The following CSMD1 variants were observed in gnomAD, a reference collection of about 807,000 sequenced individuals.
CSMD1 encodes the protein CUB and Sushi multiple domains 1.
In CSMD1, 213 loss-of-function variants were observed where a neutral mutation model predicts 417.5. The observed-to-expected ratio is 0.51, with a 90% CI of 0.46 to 0.57. The LOEUF (loss-of-function observed/expected upper bound fraction) is 0.57, where lower values mean the gene tolerates loss of function less well. Ranked by LOEUF, CSMD1 falls within the 20% of genes least tolerant of loss-of-function variation. The pLI is 0.00. For synonymous variants in CSMD1, 2,862 were observed against 1,736.8 expected (o/e 1.65, Z -16.11); for missense variants, 6,923 against 4,529.7 (o/e 1.53, Z -15.17).
In CSMD1 at chr8:4,603,316, C is replaced by T. The variant is rs570562542; in HGVS notation, c.302+34026G>A. On this transcript the variant is annotated intron_variant, in intron 2 of 69. Transcript: ENST00000635120. Reference sequence around the variant, plus strand: ...ATCAATTCCTTTTTTGTATTCAACTCTATTTTATTAAGAATTCAATATATC... The same window carrying T: ...ATCAATTCCTTTTTTGTATTCAACTTTATTTTATTAAGAATTCAATATATC... 1.5e-3 allele frequency among the ~76,000 whole-genome samples: 231 copies of T among 152,058 alleles called. 1 individual carries two copies. Among genetic ancestry groups the T allele is most frequent in the African/African-American group, 5.5e-3 (228 of 41,530 alleles).
At chr8:4,374,573 G>A (rs1802599465) in intron 3 of CSMD1, among the ~76,000 whole-genome samples, 2 of 152,090 alleles carry the variant, frequency 1.3e-5, no homozygotes. Flanking sequence ...GTCCAGGAAT[G>A]AGCCATGGGA....
intron 7 of CSMD1, among the ~76,000 whole-genome samples, chr8:3,637,027 T>C (rs1477108213): frequency 6.6e-6 from 1 of 152,100 alleles, no homozygotes; most frequent in Non-Finnish European, 1.5e-5. Context: ...CACCATGGAA[T>C]AACGATGCAG....
intron 3 of CSMD1, among the ~76,000 whole-genome samples, chr8:4,083,016 G>T (rs1800222871): frequency 6.6e-6 from 1 of 151,884 alleles, no homozygotes; most frequent in Non-Finnish European, 1.5e-5. Flanking sequence ...GTCTATCATT[G>T]TTGGACATTT....
intron 3 of CSMD1, among the ~76,000 whole-genome samples, chr8:4,123,614 T>G (rs1193537519): frequency 6.6e-6 from 1 of 152,204 alleles, no homozygotes; most frequent in Non-Finnish European, 1.5e-5. Flanking sequence ...TGAAAAAAAG[T>G]CATTTTTCCT....
intron 5 of CSMD1, among the ~76,000 whole-genome samples, chr8:3,918,800 C>T (rs1174462343): frequency 1.3e-5 from 2 of 152,038 alleles, no homozygotes; most frequent in Non-Finnish European, 2.9e-5. Flanking sequence ...ATTTTATGTT[C>T]TCATTCATAA....
chr8:4,335,046 T>A (rs117287855), intron 3 of CSMD1, among the ~76,000 whole-genome samples: 9 of 152,108 alleles, frequency 5.9e-5, no homozygotes, highest in South Asian at 2.1e-4. Context: ...GGACCACAGA[T>A]GCACACCACC....
At chr8:4,223,845 T>A (rs1013391267) in intron 3 of CSMD1, among the ~76,000 whole-genome samples, 3 of 152,182 alleles carry the variant, frequency 2.0e-5, no homozygotes, top group African/African-American at 4.8e-5. Context: ...TTGAGACTGA[T>A]AATGAACATG....
intron 1 of CSMD1, among the ~76,000 whole-genome samples, chr8:4,690,807 C>A (rs1806718611): frequency 6.6e-6 from 1 of 152,206 alleles, no homozygotes; most frequent in African/African-American, 2.4e-5. Context: ...CGGCTCACTG[C>A]AACCTCTTCC....
At position 4,637,325 on chromosome 8, in the gene CSMD1, A is replaced by C; in HGVS notation, c.302+17T>G. The stretch of plus-strand genomic sequence containing the variant: ...TTCAAACAGTGCTAACTGTAATATA[A>C]AAAGTTGATACCTTACCTCACTTTT... On this transcript the variant is annotated intron_variant, in intron 2 of 69. Coordinates refer to ENST00000635120, the MANE Select transcript of CSMD1 (RefSeq NM_033225.6). The C allele has an allele frequency of 1.3e-6, 2 of 1,577,268 alleles. No homozygotes were observed. The highest frequency in any genetic ancestry group is 1.7e-6 in the Non-Finnish European group (2 of 1,147,194).
At chr8:3,912,103 G>C (rs1428969117) in intron 5 of CSMD1, among the ~76,000 whole-genome samples, 2 of 152,136 alleles carry the variant, frequency 1.3e-5, no homozygotes, top group African/African-American at 4.8e-5. Context: ...AAATATAACA[G>C]CTTGTCCAAT....
intron 41 of CSMD1, among the ~76,000 whole-genome samples, chr8:3,139,672 G>A (rs941040628): frequency 3.3e-5 from 5 of 152,026 alleles, no homozygotes; most frequent in Non-Finnish European, 1.5e-5. Flanking sequence ...GAGGTCCAAG[G>A]TACATTAAAA....
At chr8:4,012,298 T>C (rs1816603858) in intron 4 of CSMD1, among the ~76,000 whole-genome samples, 1 of 152,188 alleles carries the variant, frequency 6.6e-6, no homozygotes, top group African/African-American at 2.4e-5. Flanking sequence ...GCCAGTTTCA[T>C]TTCATCTTCC....
intron 3 of CSMD1, among the ~76,000 whole-genome samples, chr8:4,050,185 A>G (rs1048030293): frequency 1.3e-5 from 2 of 152,024 alleles, no homozygotes; most frequent in South Asian, 4.1e-4. Context: ...TCCACTCTGG[A>G]TGTTGACTTG....
At chr8:3,278,835 T>C (rs1403692797) in intron 26 of CSMD1, 1 of 152,206 alleles carries the variant, frequency 6.6e-6, no homozygotes, top group African/African-American at 2.4e-5. Flanking sequence ...TTTAGTTTCA[T>C]GGCTGGATTC....
intron 51 of CSMD1, among the ~76,000 whole-genome samples, chr8:3,020,629 C>T (rs1482504942): frequency 6.6e-6 from 1 of 152,110 alleles, no homozygotes; most frequent in African/African-American, 2.4e-5. Flanking sequence ...CCCATCTTGG[C>T]CTTCCCAGAA....
At chr8:3,504,982 A>C (rs1047820196) in intron 10 of CSMD1, among the ~76,000 whole-genome samples, 1 of 150,968 alleles carries the variant, frequency 6.6e-6, no homozygotes, top group African/African-American at 2.4e-5. Flanking sequence ...CACCAGGGAA[A>C]GTAAGCAAAC....
At chr8:4,019,296 T>A (rs1178037803) in intron 4 of CSMD1, among the ~76,000 whole-genome samples, 1 of 152,200 alleles carries the variant, frequency 6.6e-6, no homozygotes, top group Non-Finnish European at 1.5e-5. Context: ...AGAGAGCTTA[T>A]CACAGGCTTG....
intron 1 of CSMD1, among the ~76,000 whole-genome samples, chr8:4,805,635 T>A (rs1002065185): frequency 4.6e-5 from 7 of 152,218 alleles, no homozygotes; most frequent in Non-Finnish European, 7.3e-5. Flanking sequence ...TACCTAGTGC[T>A]TGTGAACCAT....
rs182609218 is a variant in CSMD1 at position 4,852,199 on chromosome 8, A to G, written c.85+142133T>C. Among the ~76,000 whole-genome samples the G allele has an allele frequency of 3.9e-5, 6 of 152,322 alleles. No homozygotes were observed. The East Asian group carries it at 1.2e-3, about 29-fold the overall frequency. Reference sequence around the variant, plus strand: ...TTGTTCTATAACAGTAAACATACTTATATGGTTTGGATATTTGTTGCCTCC... The same window carrying G: ...TTGTTCTATAACAGTAAACATACTTGTATGGTTTGGATATTTGTTGCCTCC... On this transcript the variant is annotated intron_variant, in intron 1 of 69. Coordinates refer to ENST00000635120, the MANE Select transcript of CSMD1 (RefSeq NM_033225.6).
Sources: allele counts gnomAD v4.1 joint callset (sites outside exome capture counted in the v4.1 genomes callset), GRCh38; gene constraint gnomAD v4.1.1; transcripts MANE v1.5; gene names NCBI Gene and HGNC (gene_info 2026-07-23, HGNC 2026-07-21).